Variants in DCDC1 observed in about 807,000 individuals in gnomAD.
The protein encoded by DCDC1 is doublecortin domain-containing protein 1.
A neutral mutation model predicts 178.3 loss-of-function variants in DCDC1; 200 were observed. The observed-to-expected ratio is 1.12, with a 90% confidence interval of 1.00 to 1.26. The LOEUF (loss-of-function observed/expected upper bound fraction) is 1.26, where lower values mean the gene tolerates loss of function less well. Among genes scored for constraint, DCDC1 ranks in the 50% most tolerant of loss-of-function variants. DCDC1 has a pLI of 0.00. For missense variants in DCDC1, 1,983 were observed against 1,749.2 expected, an observed-to-expected ratio of 1.13 and a Z score of -2.38; for synonymous variants, 690 against 604.8, an observed-to-expected ratio of 1.14 and a Z score of -2.07.
intron 6 of DCDC1, among the ~76,000 whole-genome samples, chr11:31,296,855 G>A (rs897800525): frequency 2.6e-5 from 4 of 151,714 alleles, no homozygotes; most frequent in African/African-American, 9.7e-5. Context: ...AACAGCATGG[G>A]GGGGACCACC....
At chr11:30,888,074 G>GAA (rs1565029221) in intron 36 of DCDC1, among the ~76,000 whole-genome samples, 2 of 103,702 alleles carry the variant, frequency 1.9e-5, no homozygotes, top group Admixed American at 1.2e-4. Context: ...GAGAGAGAGA[G>GAA]AGAGAGAGAG....
At chr11:31,019,157 A>G (rs1426529282) in intron 20 of DCDC1, among the ~76,000 whole-genome samples, 1 of 152,312 alleles carries the variant, frequency 6.6e-6, no homozygotes, top group East Asian at 1.9e-4. Context: ...TGAGAGTTAC[A>G]ATAACACAGA....
At chr11:31,145,628 T>C (rs1317720684) in intron 9 of DCDC1, among the ~76,000 whole-genome samples, 1 of 152,152 alleles carries the variant, frequency 6.6e-6, no homozygotes, top group Non-Finnish European at 1.5e-5. Context: ...GGTAGAGTAA[T>C]GAGAAATTTG....
At chr11:31,117,931 C>T (rs775015418) in intron 11 of DCDC1, among the ~76,000 whole-genome samples, 17 of 152,082 alleles carry the variant, frequency 1.1e-4, no homozygotes, top group Non-Finnish European at 2.2e-4. Flanking sequence ...TATATTTAAT[C>T]GGGATTAAAA....
chr11:31,271,559 T>A (rs1271840974), intron 7 of DCDC1, among the ~76,000 whole-genome samples: 3 of 152,206 alleles, frequency 2.0e-5, no homozygotes, highest in Non-Finnish European at 4.4e-5. Context: ...CCAGTTTGGC[T>A]TTTTTACCAT....
chr11:31,290,867 T>C lies in DCDC1; in HGVS notation c.755-15A>G, dbSNP rs1947178111. ...CAACAGATGGTCTAGAAGATAATTT[T>C]TTAAGTCAAGTCAATATTTGGCTTC... On this transcript the variant is annotated splice_polypyrimidine_tract_variant and intron_variant, in intron 6 of 38. Coordinates refer to ENST00000684477, the MANE Select transcript of DCDC1 (RefSeq NM_001387274.1). The C allele has an allele frequency of 2.5e-6, 4 of 1,600,928 alleles. No homozygotes were observed. Among genetic ancestry groups the C allele is most frequent in the South Asian group, 1.1e-5 (1 of 88,382 alleles).
At chr11:31,011,343 T>C (rs1952156369) in intron 20 of DCDC1, among the ~76,000 whole-genome samples, 1 of 152,096 alleles carries the variant, frequency 6.6e-6, no homozygotes. Context: ...TAACAAAAGA[T>C]ACAAAAACAA....
intron 1 of DCDC1, among the ~76,000 whole-genome samples, chr11:31,335,835 C>T (rs1950245528): frequency 6.6e-6 from 1 of 152,160 alleles, no homozygotes; most frequent in South Asian, 2.1e-4. Flanking sequence ...AAAATCTCAT[C>T]TCTGAAGTGG....
At chr11:31,277,409 A>G (rs1175236343) in intron 7 of DCDC1, among the ~76,000 whole-genome samples, 1 of 152,122 alleles carries the variant, frequency 6.6e-6, no homozygotes, top group Non-Finnish European at 1.5e-5. Context: ...TTTTGTGTTG[A>G]CATATGTTAT....
chr11:31,323,151 T>C (rs541509065), intron 3 of DCDC1, among the ~76,000 whole-genome samples: 32 of 152,350 alleles, frequency 2.1e-4, no homozygotes, highest in African/African-American at 7.7e-4. Flanking sequence ...CAAAACATCC[T>C]TGCTATTTTT....
chr11:31,029,523 A>T (rs1953480380), intron 20 of DCDC1, among the ~76,000 whole-genome samples: 1 of 152,082 alleles, frequency 6.6e-6, no homozygotes, highest in African/African-American at 2.4e-5. Context: ...TAGTTTTATA[A>T]GCTCTTTAAT....
chr11:31,079,313 G>A (rs1957042055), intron 17 of DCDC1, among the ~76,000 whole-genome samples: 1 of 152,138 alleles, frequency 6.6e-6, no homozygotes, highest in Admixed American at 6.5e-5. Flanking sequence ...AACTCCACAG[G>A]AACAGAAGCT....
At chr11:30,963,601 C>T (rs1030792314) in intron 20 of DCDC1, among the ~76,000 whole-genome samples, 2 of 152,092 alleles carry the variant, frequency 1.3e-5, no homozygotes, top group Admixed American at 6.6e-5. Context: ...CTTCTCCATC[C>T]CACTGACTGA....
intron 30 of DCDC1, among the ~76,000 whole-genome samples, chr11:30,905,674 C>G (rs764044906): frequency 2.8e-4 from 43 of 152,196 alleles, no homozygotes; most frequent in Non-Finnish European, 5.4e-4. Context: ...GGGCAAAGTT[C>G]TGTCTGAAAT....
intron 1 of DCDC1, among the ~76,000 whole-genome samples, chr11:31,345,532 C>T (rs557102484): frequency 2.0e-5 from 3 of 151,654 alleles, no homozygotes; most frequent in Admixed American, 6.6e-5. Context: ...GTCAAAAGCA[C>T]ACAGGAGTCA....
intron 7 of DCDC1, among the ~76,000 whole-genome samples, chr11:31,270,959 A>G (rs1945507023): frequency 6.6e-6 from 1 of 152,156 alleles, no homozygotes; most frequent in African/African-American, 2.4e-5. Flanking sequence ...CAACATTACT[A>G]TCATTCATGA....
chr11:31,017,081 G>C (rs1336893760), intron 20 of DCDC1, among the ~76,000 whole-genome samples: 1 of 152,134 alleles, frequency 6.6e-6, no homozygotes, highest in Non-Finnish European at 1.5e-5. Flanking sequence ...AGATACTACT[G>C]TAACAATATG....
intron 34 of DCDC1, among the ~76,000 whole-genome samples, chr11:30,895,769 T>TG (rs1944155651): frequency 6.6e-6 from 1 of 152,166 alleles, no homozygotes; most frequent in African/African-American, 2.4e-5. Context: ...GAGAAGACCA[T>TG]GGTGGCACCT....
chr11:30,993,793 G>A lies in DCDC1; in HGVS notation c.2592-41225C>T, dbSNP rs564287299. 5.3e-5 allele frequency among the ~76,000 whole-genome samples: 8 copies of A among 152,210 alleles called. No homozygotes were observed. The East Asian group carries it at 5.8e-4, about 11-fold the overall frequency. Reference sequence around the variant, plus strand: ...TAGTTTTAATAGGTGTATTCAAGACGTTACATTTGTAGTCAAAATTTTTCC... The same window carrying A: ...TAGTTTTAATAGGTGTATTCAAGACATTACATTTGTAGTCAAAATTTTTCC... On this transcript the variant is annotated intron_variant, in intron 20 of 38. Coordinates refer to ENST00000684477, the MANE Select transcript of DCDC1 (RefSeq NM_001387274.1).
Sources: allele counts gnomAD v4.1 joint callset (sites outside exome capture counted in the v4.1 genomes callset), GRCh38; gene constraint gnomAD v4.1.1; transcripts MANE v1.5; gene names NCBI Gene and HGNC (gene_info 2026-07-23, HGNC 2026-07-21).